The following C8orf74 variants were observed in gnomAD, a reference collection of about 807,000 sequenced individuals.
The protein encoded by C8orf74 is chromosome 8 open reading frame 74, also known as uncharacterized protein C8orf74.
Under a neutral mutation model 22.2 loss-of-function variants are expected in C8orf74, and 29 were observed. That is an observed-to-expected ratio of 1.31 (90% confidence interval 0.97 to 1.78). The LOEUF (loss-of-function observed/expected upper bound fraction) is 1.78. Ranked by LOEUF, C8orf74 falls within the 40% of genes most tolerant of loss-of-function variation. The probability of loss-of-function intolerance (pLI) is 0.00; values close to 1 mark genes in which losing one functional copy is unlikely to be tolerated. For missense variants in C8orf74, 515 were observed against 369.9 expected, an observed-to-expected ratio of 1.39 and a Z score of -3.22; for synonymous variants, 255 against 163.1, an observed-to-expected ratio of 1.56 and a Z score of -4.30.
At chr8:10,692,616 T>C (rs1799404012) in intron 2 of C8orf74, 1 of 152,280 alleles carries the variant, frequency 6.6e-6, no homozygotes, top group South Asian at 2.1e-4. Context: ...AAGTGATCCT[T>C]CTATCTCAAC....
chr8:10,688,420 G>C (rs1005220760), intron 2 of C8orf74: 9 of 152,136 alleles, frequency 5.9e-5, no homozygotes, highest in African/African-American at 2.2e-4. Flanking sequence ...CCTGAGGTTA[G>C]CCTGCATCTG....
intron 2 of C8orf74, chr8:10,675,811 A>T (rs13252192): frequency 0.022 from 3,412 of 152,286 alleles, 55 homozygotes; most frequent in Middle Eastern, 0.037. Context: ...CCAGCTTCAA[A>T]TACTCGAAGG....
intron 3 of C8orf74, among the ~76,000 whole-genome samples, chr8:10,699,067 G>T (rs1024703409): frequency 6.6e-6 from 1 of 152,176 alleles, no homozygotes; most frequent in East Asian, 1.9e-4. Context: ...ATTCAATAAA[G>T]ACCCAACAAA....
At chr8:10,680,878 T>C (rs1270113545) in intron 2 of C8orf74, among the ~76,000 whole-genome samples, 1 of 152,140 alleles carries the variant, frequency 6.6e-6, no homozygotes, top group Non-Finnish European at 1.5e-5. Flanking sequence ...CCTGGCATTG[T>C]CCCCATTTCA....
Position 10,672,673 on chromosome 8 carries a change from T to G in C8orf74, c.8T>G (p.Leu3Arg), listed in dbSNP as rs1212918266. MALLTPQGVKEVF... is the reference protein window; with the variant it reads MARLTPQGVKEVF... ...CAACCAGATGCAGGGGCCATGGCACTCTTAACACCCCAGGGAGTGAAAGAA... is the reference window on the plus strand; with the variant it reads ...CAACCAGATGCAGGGGCCATGGCACGCTTAACACCCCAGGGAGTGAAAGAA... The change falls in exon 1 of 4, where the codon CTC becomes CGC. Residue 3 changes from leucine (L) to arginine (R), a missense_variant. By Grantham distance (102) the Leu-to-Arg change is moderately radical. Coordinates refer to ENST00000304519, the MANE Select transcript of C8orf74 (RefSeq NM_001040032.2). The G allele has an allele frequency of 2.6e-6, 4 of 1,565,704 alleles. No individual in the cohort carries two copies. Among genetic ancestry groups the G allele is most frequent in the Middle Eastern group, 1.7e-4 (1 of 6,010 alleles).
chr8:10,680,430 T>G (rs7838749), intron 2 of C8orf74, among the ~76,000 whole-genome samples: 40,484 of 152,146 alleles, frequency 0.27, 5,904 homozygotes, highest in South Asian at 0.38. Flanking sequence ...CGCTACCATA[T>G]GGCTGGAGGG....
At chr8:10,681,259 G>A (rs893236784) in intron 2 of C8orf74, among the ~76,000 whole-genome samples, 4 of 152,126 alleles carry the variant, frequency 2.6e-5, no homozygotes, top group Non-Finnish European at 5.9e-5. Context: ...CACCAGGCCA[G>A]AAGAAGGAGT....
At chr8:10,699,104 C>T (rs1420424954) in intron 3 of C8orf74, among the ~76,000 whole-genome samples, 1 of 152,184 alleles carries the variant, frequency 6.6e-6, no homozygotes, top group African/African-American at 2.4e-5. Flanking sequence ...ATGTCTCTGG[C>T]CCCCTGCAGG....
chr8:10,691,379 G>C (rs1454915403), intron 2 of C8orf74: 2 of 169,870 alleles, frequency 1.2e-5, no homozygotes, highest in African/African-American at 4.7e-5. Context: ...ACGGCTGCTG[G>C]GGCTGAACAG....
At chr8:10,680,897 G>A (rs1339565436) in intron 2 of C8orf74, among the ~76,000 whole-genome samples, 1 of 152,188 alleles carries the variant, frequency 6.6e-6, no homozygotes. Flanking sequence ...CAGAATGTGG[G>A]TGCAGGCAGC....
intron 2 of C8orf74, among the ~76,000 whole-genome samples, chr8:10,690,173 GCCCTGAGCAAAT>G (rs1025827687): frequency 1.3e-5 from 2 of 152,296 alleles, no homozygotes; most frequent in East Asian, 1.9e-4. Context: ...CACCTGAGGG[GCCCTGAGCAAAT>G]CCCTCAGCCT....
chr8:10,675,212 T>C (rs1586028479), intron 2 of C8orf74, among the ~76,000 whole-genome samples: 1 of 152,200 alleles, frequency 6.6e-6, no homozygotes, highest in Non-Finnish European at 1.5e-5. Flanking sequence ...TGGTAGGAGA[T>C]CTGGCTTTGC....
intron 2 of C8orf74, among the ~76,000 whole-genome samples, chr8:10,696,441 C>CTTTTTTTTTTTT (rs546082377): frequency 2.8e-4 from 29 of 102,440 alleles, no homozygotes; most frequent in East Asian, 1.1e-3. Flanking sequence ...CTTTTCTTTT[C>CTTTTTTTTTTTT]TTTTTTTTTT....
rs530289875 is a variant in C8orf74 at position 10,699,286 on chromosome 8, G to T, written c.649-949G>T. 6.6e-5 allele frequency among the ~76,000 whole-genome samples: 10 copies of T among 152,336 alleles called. No homozygotes were observed. The South Asian group carries it at 2.1e-3, about 32-fold the overall frequency. ...GGTGAGCCAGAGCCCCCTACACTGT[G>T]TGCCCCAGCTATGCACCTGAGATGG... is the stretch of plus-strand genomic sequence containing the variant. On this transcript the variant is annotated intron_variant, in intron 3 of 3. Transcript: ENST00000304519.
rs1468424499 is a variant in C8orf74, at chr8:10,697,668, C to A, written c.311C>A (p.Thr104Asn). The change falls in exon 3 of 4, where the codon ACC becomes AAC. Residue 104 changes from threonine (T) to asparagine (N), a missense_variant. Transcript: ENST00000304519. ...KLRDYRGHFNTTHLLALCDYF... is the reference protein window; with the variant it reads ...KLRDYRGHFNNTHLLALCDYF... ...AGAGATTACCGGGGCCATTTCAACACCACCCACCTGCTGGCCCTCTGTGAC... is the reference window on the plus strand; with the variant it reads ...AGAGATTACCGGGGCCATTTCAACAACACCCACCTGCTGGCCCTCTGTGAC... 1.2e-6 allele frequency: 2 copies of A among 1,614,008 alleles called. No individual in the cohort carries two copies.
intron 2 of C8orf74, among the ~76,000 whole-genome samples, chr8:10,695,819 C>T (rs1455526887): frequency 1.3e-5 from 2 of 152,168 alleles, no homozygotes; most frequent in Non-Finnish European, 2.9e-5. Context: ...GTCAGGTCCC[C>T]TACTTCGGGG....
intron 2 of C8orf74, among the ~76,000 whole-genome samples, chr8:10,695,804 G>A (rs1799484054): frequency 6.6e-6 from 1 of 152,178 alleles, no homozygotes; most frequent in African/African-American, 2.4e-5. Context: ...GGAGTCTGTG[G>A]ACAAGTCAGG....
At chr8:10,693,690 T>C (rs989056074) in intron 2 of C8orf74, among the ~76,000 whole-genome samples, 3 of 152,172 alleles carry the variant, frequency 2.0e-5, no homozygotes, top group Non-Finnish European at 4.4e-5. Context: ...CGTCTCATCA[T>C]ATGGTGTTCT....
At chr8:10,689,782 G>C (rs1413718541) in intron 2 of C8orf74, 1 of 152,208 alleles carries the variant, frequency 6.6e-6, no homozygotes, top group African/African-American at 2.4e-5. Flanking sequence ...ACATAAGGAA[G>C]AGGAAGTACA....
Sources: allele counts gnomAD v4.1 joint callset (sites outside exome capture counted in the v4.1 genomes callset), GRCh38; gene constraint gnomAD v4.1.1; transcripts MANE v1.5; gene names NCBI Gene and HGNC (gene_info 2026-07-23, HGNC 2026-07-21).